Variants in PACS1 observed in about 807,000 individuals in gnomAD.
PACS1 encodes phosphofurin acidic cluster sorting protein 1.
In PACS1, 24 loss-of-function variants were observed where a neutral mutation model predicts 115.0. That is an observed-to-expected ratio of 0.21 (90% CI 0.15 to 0.29). The LOEUF (loss-of-function observed/expected upper bound fraction) is 0.29. Ranked by LOEUF, PACS1 falls within the 10% of genes least tolerant of loss-of-function variation. The pLI, the probability that PACS1 is intolerant of heterozygous loss-of-function variation, is 1.00. For synonymous variants in PACS1, 453 were observed against 504.5 expected, an observed-to-expected ratio of 0.90 and a Z score of 1.37; for missense variants, 838 against 1,251.2, an observed-to-expected ratio of 0.67 and a Z score of 4.98.
At chr11:66,202,782 T>TATATATATA (rs1854845586) in intron 2 of PACS1, among the ~76,000 whole-genome samples, 14 of 119,660 alleles carry the variant, frequency 1.2e-4, no homozygotes, top group African/African-American at 2.3e-4. Flanking sequence ...TATATATATA[T>TATATATATA]TCTGAAAAAG....
intron 1 of PACS1, among the ~76,000 whole-genome samples, chr11:66,113,536 G>GA (rs1415479746): frequency 6.6e-6 from 1 of 151,856 alleles, no homozygotes; most frequent in Non-Finnish European, 1.5e-5. Context: ...AACAAGCAAG[G>GA]AAAAAAAATG....
intron 8 of PACS1, 66 bp downstream of exon 8, chr11:66,219,871 G>T (rs1194324081): frequency 4.4e-6 from 5 of 1,123,774 alleles, no homozygotes; most frequent in Non-Finnish European, 6.8e-6. Context: ...AGCATCCCTG[G>T]AGTACACTCT....
chr11:66,203,541 G>T (rs1467693779), intron 2 of PACS1, among the ~76,000 whole-genome samples: 1 of 152,016 alleles, frequency 6.6e-6, no homozygotes, highest in Non-Finnish European at 1.5e-5. Context: ...ACCCAGAATA[G>T]CCAAAGCCAT....
In PACS1 at chr11:66,154,121, T is replaced by G. The variant is rs1859303727; in HGVS notation, c.357-39365T>G. On this transcript the variant is annotated intron_variant, in intron 1 of 23. Coordinates refer to ENST00000320580, the MANE Select transcript of PACS1 (RefSeq NM_018026.4). ...TACAGAGCTATAAAAATCTTCAATG[T>G]GTATGTCCCTGATAACAGAGCTTCA... Among the ~76,000 whole-genome samples, 3 of 152,176 alleles carry G rather than the reference T, an allele frequency of 2.0e-5. No individual in the cohort carries two copies. In the South Asian group the frequency reaches 6.2e-4, roughly 32 times the overall value.
At chr11:66,210,079 G>T (rs1051801807) in intron 2 of PACS1, among the ~76,000 whole-genome samples, 6 of 151,740 alleles carry the variant, frequency 4.0e-5, no homozygotes, top group African/African-American at 1.5e-4. Context: ...CACCCAGGCT[G>T]GAGTGCAGTG....
rs1398686303 is a variant in PACS1 at position 66,220,673 on chromosome 11, G to C, written c.1081G>C (p.Glu361Gln). The C allele has an allele frequency of 1.2e-6, 2 of 1,614,062 alleles. No individual in the cohort carries two copies. The highest frequency in any genetic ancestry group is 3.3e-5 in the Admixed American group (2 of 60,002). Residue 361 changes from glutamate to glutamine, a missense_variant, in exon 9 of 24, where the codon GAA becomes CAA. By Grantham distance (29) the Glu-to-Gln change is conservative. This residue lies in a region of PACS1 where 223 missense variants were observed against 354.0 expected (regional missense o/e 0.63). Coordinates refer to ENST00000320580, the MANE Select transcript of PACS1 (RefSeq NM_018026.4). ...LEHVSREQIR[E>Q]VEEDLDELYD... ...GCATGTGTCCCGCGAGCAGATCCGGGAAGTGGAAGAGGACTTGGATGAATT... is the reference window on the plus strand; with the variant it reads ...GCATGTGTCCCGCGAGCAGATCCGGCAAGTGGAAGAGGACTTGGATGAATT...
intron 1 of PACS1, among the ~76,000 whole-genome samples, chr11:66,171,119 C>T (rs1185920972): frequency 2.0e-5 from 3 of 149,788 alleles, no homozygotes; most frequent in East Asian, 1.9e-4. Context: ...TAAAATATGC[C>T]CCTCTGATAA....
chr11:66,142,952 C>T (rs1420551668), intron 1 of PACS1, among the ~76,000 whole-genome samples: 1 of 151,440 alleles, frequency 6.6e-6, no homozygotes, highest in Non-Finnish European at 1.5e-5. Context: ...CATTACTGGT[C>T]AAACAAAATG....
chr11:66,142,405 ACCTGATCCTCACG>A (rs1859013944), intron 1 of PACS1, among the ~76,000 whole-genome samples: 1 of 151,948 alleles, frequency 6.6e-6, no homozygotes, highest in Non-Finnish European at 1.5e-5. Flanking sequence ...TGCAACCGCC[ACCTGATCCTCACG>A]CCTGATCCTT....
intron 1 of PACS1, among the ~76,000 whole-genome samples, chr11:66,189,461 A>AT (rs1317070833): frequency 9.2e-5 from 14 of 152,344 alleles, no homozygotes; most frequent in African/African-American, 3.4e-4. Flanking sequence ...ATTCTGCCAT[A>AT]TTATCCTATG....
intron 1 of PACS1, among the ~76,000 whole-genome samples, chr11:66,136,254 A>T (rs1249021653): frequency 6.9e-6 from 1 of 145,466 alleles, no homozygotes; most frequent in African/African-American, 2.6e-5. Flanking sequence ...GGACTGCCCA[A>T]TCCCGCTAAC....
intron 1 of PACS1, among the ~76,000 whole-genome samples, chr11:66,088,347 A>C (rs763317537): frequency 3.9e-5 from 6 of 152,070 alleles, no homozygotes; most frequent in African/African-American, 7.2e-5. Flanking sequence ...GATCATGAAG[A>C]TGTCCTCTAC....
At chr11:66,188,441 C>T (rs1854439017) in intron 1 of PACS1, among the ~76,000 whole-genome samples, 2 of 152,064 alleles carry the variant, frequency 1.3e-5, no homozygotes. Context: ...ATGGTTTTCT[C>T]GAGTAACTGT....
intron 1 of PACS1, among the ~76,000 whole-genome samples, chr11:66,076,472 C>G (rs571863707): frequency 9.3e-4 from 141 of 152,038 alleles, no homozygotes; most frequent in Middle Eastern, 6.8e-3. Flanking sequence ...GCGATCTCGG[C>G]TCACTGCAAC....
At chr11:66,207,421 C>T (rs906931147) in intron 2 of PACS1, among the ~76,000 whole-genome samples, 7 of 149,752 alleles carry the variant, frequency 4.7e-5, no homozygotes, top group Non-Finnish European at 7.5e-5. Flanking sequence ...GAGCCGAGAT[C>T]ACACTACTGT....
chr11:66,207,370 G>A (rs1464555460), intron 2 of PACS1, among the ~76,000 whole-genome samples: 3 of 152,112 alleles, frequency 2.0e-5, no homozygotes, highest in Non-Finnish European at 4.4e-5. Context: ...AAGAGGCTAA[G>A]GCAAGAGAGT....
chr11:66,166,297 G>A (rs905976743), intron 1 of PACS1, among the ~76,000 whole-genome samples: 3 of 152,000 alleles, frequency 2.0e-5, no homozygotes, highest in Admixed American at 6.6e-5. Context: ...ACAGGTGCCC[G>A]CCACTACACC....
At chr11:66,133,557 C>T (rs1221754924) in intron 1 of PACS1, among the ~76,000 whole-genome samples, 1 of 152,212 alleles carries the variant, frequency 6.6e-6, no homozygotes, top group Non-Finnish European at 1.5e-5. Context: ...GTCTGAAGAC[C>T]ATGCCCAGGC....
At chr11:66,214,375 C>T (rs3016319) in intron 4 of PACS1, among the ~76,000 whole-genome samples, 59,518 of 151,904 alleles carry the variant, frequency 0.39, 12,863 homozygotes, top group Non-Finnish European at 0.48. Context: ...TCCTCATTGC[C>T]AGTGACAGGC....
Sources: gnomAD v4.1 joint callset for allele counts (sites outside exome capture counted in the v4.1 genomes callset) on GRCh38, gnomAD v4.1.1 for gene constraint, gnomAD v4.1.1 regional missense constraint, MANE v1.5 for transcripts, NCBI Gene and HGNC (gene_info 2026-07-23, HGNC 2026-07-21) for gene names.